The following RANBP17 variants were observed in gnomAD, a reference collection of about 807,000 sequenced individuals.
RANBP17 encodes the protein ran-binding protein 17.
A neutral mutation model predicts 141.2 loss-of-function variants in RANBP17; 158 were observed. That is an observed-to-expected ratio of 1.12 (90% CI 0.98 to 1.28). RANBP17 has a LOEUF of 1.28. Among genes scored for constraint, RANBP17 ranks in the 50% most tolerant of loss-of-function variants. RANBP17 has a pLI of 0.00. For missense variants in RANBP17, 1,438 were observed against 1,290.7 expected, an observed-to-expected ratio of 1.11 and a Z score of -1.75; for synonymous variants, 430 against 450.0, an observed-to-expected ratio of 0.96 and a Z score of 0.56.
chr5:171,236,179 T>C (rs1764533515), intron 22 of RANBP17, among the ~76,000 whole-genome samples: 1 of 152,206 alleles, frequency 6.6e-6, no homozygotes, highest in Non-Finnish European at 1.5e-5. Context: ...TTCGCATAAC[T>C]GCTCCTTCCA....
chr5:170,914,935 A>G (rs1771825033), intron 8 of RANBP17, among the ~76,000 whole-genome samples: 1 of 152,180 alleles, frequency 6.6e-6, no homozygotes, highest in African/African-American at 2.4e-5. Context: ...TATTTAAAGT[A>G]TATATCAGTG....
Position 171,265,740 on chromosome 5 carries a change from A to T in RANBP17, c.2836A>T (p.Lys946Ter). ...AGACTACATCGTCACCTACCTCTTC[A>T]AGCACATAGCAAAAGAGGGCAAGAA... is the stretch of plus-strand genomic sequence containing the variant. The part of the protein sequence containing the change: ...SLDYIVTYLF[K>*]HIAKEGKKPL... The change falls in exon 25 of 28, where the codon AAG becomes TAG. Residue 946 changes from lysine to a stop codon, truncating the protein, a stop_gained. Transcript: ENST00000523189. LOFTEE classifies it high-confidence loss of function. The T allele has an allele frequency of 6.2e-7, 1 of 1,614,064 alleles. No homozygotes were observed. Among genetic ancestry groups the T allele is most frequent in the Non-Finnish European group, 8.5e-7 (1 of 1,179,926 alleles).
rs61652416 is a variant in RANBP17 at position 171,038,162 on chromosome 5, TTGTGTGTGTG to T, written c.1710+69810_1710+69819del. 1.2e-3 allele frequency among the ~76,000 whole-genome samples: 173 copies of T among 144,842 alleles called. 1 individual carries two copies. The highest frequency in any genetic ancestry group is 2.8e-3 in the African/African-American group (112 of 39,518). On this transcript the variant is annotated intron_variant, in intron 14 of 27. Transcript: ENST00000523189. ...TTTTGTTTAGATGTATTCTTAGGTATTGTGTGTGTGTGTGTGTGTGTGTGTGTGTGTGTGC... is the reference window on the plus strand; with the variant it reads ...TTTTGTTTAGATGTATTCTTAGGTATTGTGTGTGTGTGTGTGTGTGTGTGC...
At chr5:171,263,801 A>T (rs1766496275) in intron 24 of RANBP17, among the ~76,000 whole-genome samples, 1 of 152,142 alleles carries the variant, frequency 6.6e-6, no homozygotes, top group Admixed American at 6.6e-5. Context: ...GGTAGCACAC[A>T]TCTATAATCC....
At position 170,933,284 on chromosome 5, in the gene RANBP17, T is replaced by C. The variant is rs1275101150; in HGVS notation, c.1468+8734T>C. Among the ~76,000 whole-genome samples the C allele has an allele frequency of 2.6e-5, 4 of 152,322 alleles. No homozygotes were observed. In the East Asian group the frequency reaches 7.7e-4, roughly 29 times the overall value. On this transcript the variant is annotated intron_variant, in intron 12 of 27. Transcript: ENST00000523189. ...CCCCTTTATCATTTTTTATTGTGTC[T>C]ATTTGATTCCTCTCTCTTTTCTTCT...
chr5:170,934,552 C>T (rs976738229), intron 12 of RANBP17, among the ~76,000 whole-genome samples: 2 of 152,160 alleles, frequency 1.3e-5, no homozygotes, highest in African/African-American at 2.4e-5. Context: ...TTTATTTCTC[C>T]ATCACTTATG....
rs958510339 is a variant in RANBP17 at position 171,299,218 on chromosome 5, A to G, written c.*360A>G. ...TATGGTTCTGCAGTCAAGGTTGTCA[A>G]TTTGTTGGAGATGCAGCCTTCACCA... is the stretch of plus-strand genomic sequence containing the variant. On this transcript the variant is annotated 3_prime_UTR_variant, in exon 28 of 28. Coordinates refer to ENST00000523189, the MANE Select transcript of RANBP17 (RefSeq NM_022897.5). 11 of 247,618 alleles carry G rather than the reference A, an allele frequency of 4.4e-5. No homozygotes were observed. The highest frequency in any genetic ancestry group is 1.2e-3 in the Middle Eastern group (1 of 816). The allele number at this position is 247,618 out of a possible 1,614,324, so 15.3% of individuals were successfully genotyped here.
chr5:171,265,789 C>T lies in RANBP17; in HGVS notation c.2885C>T (p.Thr962Ile). The stretch of plus-strand genomic sequence containing the variant: ...AAGCCACTTCGATGCAGAGAGGCTA[C>T]CCAGGCTGGTCAGAGACTATTACAT... ...GKKPLRCREA[T>I]QAGQRLLHFM... Residue 962 changes from threonine to isoleucine, a missense_variant, in exon 25 of 28, where the codon ACC (threonine) becomes ATC (isoleucine). By Grantham distance (89) the Thr-to-Ile change is moderately conservative (BLOSUM62 -1). Coordinates refer to ENST00000523189, the MANE Select transcript of RANBP17 (RefSeq NM_022897.5). 6.2e-7 allele frequency: 1 copy of T among 1,614,048 alleles called. No individual in the cohort carries two copies. Among genetic ancestry groups the T allele is most frequent in the Non-Finnish European group, 8.5e-7 (1 of 1,180,010 alleles).
At chr5:171,265,321 G>T (rs1766600010) in intron 24 of RANBP17, among the ~76,000 whole-genome samples, 1 of 152,166 alleles carries the variant, frequency 6.6e-6, no homozygotes, top group Non-Finnish European at 1.5e-5. Flanking sequence ...AATCACCTCA[G>T]GTCAGGAGTT....
chr5:171,086,171 G>A (rs1188341343), intron 14 of RANBP17, among the ~76,000 whole-genome samples: 1 of 140,936 alleles, frequency 7.1e-6, no homozygotes, highest in Non-Finnish European at 1.5e-5. Context: ...TTTTTAGCAT[G>A]AAGGGTTGTT....
In RANBP17 at chr5:171,260,052, C is replaced by A. The variant is rs190744456; in HGVS notation, c.2777-5629C>A. Among the ~76,000 whole-genome samples, 384 of 151,740 alleles carry A rather than the reference C, an allele frequency of 2.5e-3. 2 individuals carry two copies. Among genetic ancestry groups the A allele is most frequent in the African/African-American group, 8.5e-3 (351 of 41,378 alleles). ...CAGTGGCTCACACCTGTAATCCCAG[C>A]ACTTTGGAAGGCCCAAGTGGGCAGA... On this transcript the variant is annotated intron_variant, in intron 24 of 27. Transcript: ENST00000523189.
chr5:170,934,082 A>G (rs1773650219), intron 12 of RANBP17, among the ~76,000 whole-genome samples: 1 of 152,160 alleles, frequency 6.6e-6, no homozygotes, highest in Non-Finnish European at 1.5e-5. Flanking sequence ...GACGTGCTTT[A>G]TGAATCTGGG....
At chr5:171,226,231 T>C (rs1763870738) in intron 22 of RANBP17, among the ~76,000 whole-genome samples, 2 of 152,244 alleles carry the variant, frequency 1.3e-5, no homozygotes, top group Admixed American at 1.3e-4. Flanking sequence ...GGATGATTTT[T>C]ATGTTCAATT....
At chr5:170,956,199 G>A (rs1012554846) in intron 13 of RANBP17, among the ~76,000 whole-genome samples, 7 of 151,284 alleles carry the variant, frequency 4.6e-5, no homozygotes, top group African/African-American at 1.7e-4. Flanking sequence ...CTTTTTTCAG[G>A]CCTTTCATAC....
rs200896733 is a variant in RANBP17, at chr5:171,172,529, ACTC to A, written c.1865+1244_1865+1246del. ...TGTATTTTTTCTTATTAAAAAAAAA[ACTC>A]AACCCATATTTTTTTCTAATAATAA... On this transcript the variant is annotated intron_variant, in intron 16 of 27. Transcript: ENST00000523189. Among the ~76,000 whole-genome samples, 1,409 of 151,424 alleles carry A rather than the reference ACTC, an allele frequency of 9.3e-3. 24 individuals carry two copies. Among genetic ancestry groups the A allele is most frequent in the African/African-American group, 0.033 (1,350 of 41,398 alleles).
intron 14 of RANBP17, among the ~76,000 whole-genome samples, chr5:171,115,572 G>C (rs1343530723): frequency 6.6e-6 from 1 of 152,112 alleles, no homozygotes; most frequent in Non-Finnish European, 1.5e-5. Context: ...ATATTACAGT[G>C]GATGTATACC....
chr5:171,265,864 C>T lies in RANBP17; in HGVS notation c.2943+17C>T, dbSNP rs1766638370. On this transcript the variant is annotated intron_variant, in intron 25 of 27. Transcript: ENST00000523189. ...CTGCAGCAGGTAACTGGTGGTTGAT[C>T]ACCTGGCTTAAGAAACAAGTGTTCC... The T allele has an allele frequency of 6.2e-7, 1 of 1,607,916 alleles. No homozygotes were observed.
chr5:171,224,275 A>G (rs1763757569), intron 22 of RANBP17, among the ~76,000 whole-genome samples: 4 of 152,362 alleles, frequency 2.6e-5, no homozygotes, highest in Middle Eastern at 6.8e-3. Flanking sequence ...AGAATCTCTT[A>G]GTAATCAGTA....
chr5:170,911,102 G>A lies in RANBP17; in HGVS notation c.728G>A (p.Cys243Tyr), dbSNP rs142612405. The change falls in exon 7 of 28, where the codon TGC (cysteine) becomes TAC (tyrosine). Residue 243 changes from cysteine to tyrosine, a missense_variant. Transcript: ENST00000523189. ...SSADESADDL[C>Y]TVQIPTTWRT... The stretch of plus-strand genomic sequence containing the variant: ...GCAGATGAATCTGCAGATGATCTTT[G>A]CACGGTGCAGATTCCAACAACTTGG... 906 of 1,611,504 alleles carry A rather than the reference G, an allele frequency of 5.6e-4. 8 individuals carry two copies. The East Asian group carries it at 0.014, about 25-fold the overall frequency.
Sources: allele counts gnomAD v4.1 joint callset (sites outside exome capture counted in the v4.1 genomes callset), GRCh38; gene constraint gnomAD v4.1.1; transcripts MANE v1.5; gene names NCBI Gene and HGNC (gene_info 2026-07-23, HGNC 2026-07-21).